The following SPATA22 variants were observed in gnomAD, a reference collection of about 807,000 sequenced individuals.
SPATA22 encodes spermatogenesis-associated protein 22.
A neutral mutation model predicts 47.8 loss-of-function variants in SPATA22; 29 were observed. That is an observed-to-expected ratio of 0.61 (90% CI 0.45 to 0.83). SPATA22 has a LOEUF of 0.83. SPATA22 is among the 40% of genes least tolerant of loss of function. The probability of loss-of-function intolerance (pLI) is 0.00; values close to 1 mark genes in which losing one functional copy is unlikely to be tolerated. For missense variants in SPATA22, 410 were observed against 421.7 expected (o/e 0.97, Z 0.24); for synonymous variants, 133 against 140.9 (o/e 0.94, Z 0.40).
At chr17:3,453,841 C>T (rs545177121) in intron 5 of SPATA22, among the ~76,000 whole-genome samples, 42 of 152,154 alleles carry the variant, frequency 2.8e-4, no homozygotes, top group South Asian at 2.1e-3. Flanking sequence ...ATATTTCAGA[C>T]AAGTAATACT....
At chr17:3,454,177 G>C (rs113694155) in intron 5 of SPATA22, among the ~76,000 whole-genome samples, 12 of 149,004 alleles carry the variant, frequency 8.1e-5, no homozygotes, top group South Asian at 4.2e-4. Context: ...ATAGAGAAAG[G>C]TCTATACACT....
intron 1 of SPATA22, among the ~76,000 whole-genome samples, chr17:3,508,495 C>G (rs1023176454): frequency 2.0e-5 from 3 of 149,982 alleles, no homozygotes; most frequent in Admixed American, 6.7e-5. Flanking sequence ...GACTTGGAAC[C>G]AACCCAGATG....
At chr17:3,483,029 T>G (rs1294967017) in intron 1 of SPATA22, among the ~76,000 whole-genome samples, 1 of 149,290 alleles carries the variant, frequency 6.7e-6, no homozygotes, top group Non-Finnish European at 1.5e-5. Context: ...TGACACTTTG[T>G]TATCCAAACC....
intron 5 of SPATA22, among the ~76,000 whole-genome samples, chr17:3,451,813 G>A (rs1195526994): frequency 1.3e-5 from 2 of 151,906 alleles, no homozygotes; most frequent in African/African-American, 4.8e-5. Flanking sequence ...TGAGTGTGGT[G>A]GCATGCACCT....
Position 3,448,716 on chromosome 17 carries a change from T to C in SPATA22, c.672+91A>G, listed in dbSNP as rs1415032819. 3 of 914,632 alleles carry C rather than the reference T, an allele frequency of 3.3e-6. No homozygotes were observed. The Admixed American group carries it at 9.2e-5, about 28-fold the overall frequency. 56.7% of individuals were successfully genotyped at this position (914,632 alleles called of 1,614,324 possible). A position where few individuals can be genotyped will look rare whatever the true frequency, so the allele number is the denominator to read the frequency against. Reference sequence around the variant, plus strand: ...AAGTAATGTATGTCATGGAATTTATTTCAGGCGCTCTTATCTCTGTAGTTT... The same window carrying C: ...AAGTAATGTATGTCATGGAATTTATCTCAGGCGCTCTTATCTCTGTAGTTT... On this transcript the variant is annotated intron_variant, in intron 6 of 8. Coordinates refer to ENST00000572969, the MANE Select transcript of SPATA22 (RefSeq NM_001170698.2).
intron 8 of SPATA22, among the ~76,000 whole-genome samples, chr17:3,442,764 T>C (rs542511806): frequency 2.0e-5 from 3 of 152,108 alleles, no homozygotes; most frequent in East Asian, 1.9e-4. Flanking sequence ...AGTTGATTCT[T>C]ATTAGTCCTT....
At chr17:3,482,341 CT>C (rs1391345555) in intron 1 of SPATA22, among the ~76,000 whole-genome samples, 5 of 152,156 alleles carry the variant, frequency 3.3e-5, no homozygotes, top group Non-Finnish European at 7.4e-5. Context: ...TACGTCTAAT[CT>C]TTCAGTACTT....
chr17:3,511,801 ACGGC>A (rs2074117140), intron 1 of SPATA22: 1 of 152,230 alleles, frequency 6.6e-6, no homozygotes, highest in Non-Finnish European at 1.5e-5. Flanking sequence ...AACTCTGGAT[ACGGC>A]TTTATCCATA....
In SPATA22 at chr17:3,485,972, G is replaced by A. The variant is rs2150750714; in HGVS notation, c.-73-16574C>T. 6.9e-6 allele frequency among the ~76,000 whole-genome samples: 1 copy of A among 144,422 alleles called. No individual in the cohort carries two copies. The highest frequency in any genetic ancestry group is 2.6e-5 in the African/African-American group (1 of 38,876). The allele number at this position is 144,422 out of a possible 152,430, so 94.7% of individuals were successfully genotyped here. On this transcript the variant is annotated intron_variant, in intron 1 of 8. Transcript: ENST00000541913. This position sits in a 1 kb window ranked among gnomAD's most constrained non-coding sequence, Gnocchi z 4.4. ...TTTGAGACGGAGTTTCGCTCTTGTTGCCAAGGCTGGAGTACAGTGGCACAA... is the reference window on the plus strand; with the variant it reads ...TTTGAGACGGAGTTTCGCTCTTGTTACCAAGGCTGGAGTACAGTGGCACAA...
rs768195586 is a variant in SPATA22 at position 3,446,490 on chromosome 17, G to C, written c.784C>G (p.Leu262Val). ...YWREHAQKTV[L>V]LFEVLAVLDS... Reference sequence around the variant, plus strand: ...TACCTACCTAATACTTCAAAAAGAAGTACAGTTTTCTGTGCATGTTCACGC... The same window carrying C: ...TACCTACCTAATACTTCAAAAAGAACTACAGTTTTCTGTGCATGTTCACGC... The change falls in exon 7 of 9, where the codon CTT (leucine) becomes GTT (valine). Residue 262 changes from leucine (L) to valine (V), a missense_variant. By Grantham distance (32) the Leu-to-Val change is conservative. Transcript: ENST00000572969. The C allele has an allele frequency of 6.2e-7, 1 of 1,605,790 alleles. No homozygotes were observed. The highest frequency in any genetic ancestry group is 2.2e-5 in the East Asian group (1 of 44,586).
At chr17:3,510,873 T>G (rs1597459535) in intron 1 of SPATA22, 1 of 152,248 alleles carries the variant, frequency 6.6e-6, no homozygotes, top group Non-Finnish European at 1.5e-5. Flanking sequence ...GGCTGGAGCC[T>G]TCTAAGAGCC....
chr17:3,457,377 G>A (rs908994046), intron 5 of SPATA22, among the ~76,000 whole-genome samples: 3 of 152,024 alleles, frequency 2.0e-5, no homozygotes, highest in South Asian at 4.2e-4. Flanking sequence ...CAATGTACAA[G>A]AATTGATATT....
intron 6 of SPATA22, among the ~76,000 whole-genome samples, chr17:3,447,502 C>G (rs544741853): frequency 2.0e-4 from 30 of 152,194 alleles, no homozygotes; most frequent in Admixed American, 9.8e-4. Flanking sequence ...TCATATAATT[C>G]TTGAGTACAA....
In SPATA22 at chr17:3,499,117, G is replaced by C. The variant is rs762221059; in HGVS notation, c.-74+14295C>G. 8 of 1,603,178 alleles carry C rather than the reference G, an allele frequency of 5.0e-6. No homozygotes were observed. The South Asian group carries it at 8.9e-5, about 18-fold the overall frequency. Reference sequence around the variant, plus strand: ...TCACTTCCAGCTTACATCTTACACGGTGTCTTACAAATTCTGCTAGTCTGT... The same window carrying C: ...TCACTTCCAGCTTACATCTTACACGCTGTCTTACAAATTCTGCTAGTCTGT... On this transcript the variant is annotated intron_variant, in intron 1 of 8. Coordinates refer to the SPATA22 transcript ENST00000541913.
chr17:3,506,211 C>A (rs2074039212), intron 1 of SPATA22, among the ~76,000 whole-genome samples: 1 of 152,170 alleles, frequency 6.6e-6, no homozygotes, highest in Non-Finnish European at 1.5e-5. Flanking sequence ...ACCTACCAAG[C>A]CGATGACTGA....
At chr17:3,466,218 T>G (rs2150730754) in intron 3 of SPATA22, among the ~76,000 whole-genome samples, 1 of 151,014 alleles carries the variant, frequency 6.6e-6, no homozygotes, top group East Asian at 1.9e-4. Context: ...ATCAGAGATA[T>G]TTTTAAATTC....
chr17:3,481,626 C>T lies in SPATA22; in HGVS notation c.-73-12228G>A, dbSNP rs771980559. 51 of 1,613,422 alleles carry T rather than the reference C, an allele frequency of 3.2e-5. No individual in the cohort carries two copies. Among genetic ancestry groups the T allele is most frequent in the South Asian group, 3.0e-4 (27 of 90,994 alleles). On this transcript the variant is annotated intron_variant, in intron 1 of 8. Transcript: ENST00000541913. The stretch of plus-strand genomic sequence containing the variant: ...AGCAAAAAAATGTCAGAAGATTTGC[C>T]ATATGAAGTGAGAAGGGCTCAAGAA...
intron 1 of SPATA22, among the ~76,000 whole-genome samples, chr17:3,493,463 A>C (rs1383632987): frequency 7.0e-6 from 1 of 141,930 alleles, no homozygotes. Context: ...CAGGAGGCTG[A>C]GGCAGGAGAA....
chr17:3,478,795 C>A (rs906446533), intron 1 of SPATA22, among the ~76,000 whole-genome samples: 1 of 152,114 alleles, frequency 6.6e-6, no homozygotes, highest in Admixed American at 6.6e-5. Flanking sequence ...TTCCTATATT[C>A]CTCATCTCAG....
Sources: allele counts gnomAD v4.1 joint callset (sites outside exome capture counted in the v4.1 genomes callset), GRCh38; gene constraint gnomAD v4.1.1; non-coding constraint Gnocchi (gnomAD v3.1); transcripts MANE v1.5; gene names NCBI Gene and HGNC (gene_info 2026-07-23, HGNC 2026-07-21).